The following GUCY1A2 variants were observed in gnomAD, a reference collection of about 807,000 sequenced individuals.
GUCY1A2 encodes guanylate cyclase 1 soluble subunit alpha 2.
GUCY1A2 carries 27 observed loss-of-function variants against 63.5 expected under a neutral mutation model. That is an observed-to-expected ratio of 0.43 (90% CI 0.31 to 0.59). GUCY1A2 has a LOEUF of 0.59. Ranked by LOEUF, GUCY1A2 falls within the 20% of genes least tolerant of loss-of-function variation. The probability of loss-of-function intolerance (pLI) is 0.11; values close to 1 mark genes in which losing one functional copy is unlikely to be tolerated. For missense variants in GUCY1A2, 768 were observed against 913.3 expected, an observed-to-expected ratio of 0.84 and a Z score of 2.05; for synonymous variants, 364 against 343.5, an observed-to-expected ratio of 1.06 and a Z score of -0.66.
intron 3 of GUCY1A2, among the ~76,000 whole-genome samples, chr11:106,942,841 T>C (rs1419900946): frequency 1.3e-5 from 2 of 152,304 alleles, no homozygotes; most frequent in East Asian, 3.9e-4. Flanking sequence ...CTAGAAAGCC[T>C]GCTGCTTTAT....
At chr11:106,888,085 A>C (rs1054919717) in intron 4 of GUCY1A2, among the ~76,000 whole-genome samples, 1 of 152,082 alleles carries the variant, frequency 6.6e-6, no homozygotes, top group African/African-American at 2.4e-5. Flanking sequence ...GGAATGAACA[A>C]TCACCTGTGC....
intron 5 of GUCY1A2, among the ~76,000 whole-genome samples, chr11:106,786,388 A>T (rs897654284): frequency 6.6e-6 from 1 of 152,212 alleles, no homozygotes; most frequent in Admixed American, 6.5e-5. Context: ...AAAGGAGGTC[A>T]TGGATATAAA....
intron 3 of GUCY1A2, among the ~76,000 whole-genome samples, chr11:106,957,756 CT>C (rs945160203): frequency 1.2e-4 from 17 of 146,782 alleles, no homozygotes; most frequent in Admixed American, 1.4e-4. Context: ...AAAATGGTCA[CT>C]TTTTTTTTTA....
chr11:106,788,699 AT>A (rs1256827888), intron 5 of GUCY1A2, among the ~76,000 whole-genome samples: 1 of 152,194 alleles, frequency 6.6e-6, no homozygotes, highest in Non-Finnish European at 1.5e-5. Context: ...CTTTGTCAAA[AT>A]TGAGTTAACT....
chr11:106,917,706 C>T (rs1423016840), intron 4 of GUCY1A2, among the ~76,000 whole-genome samples: 1 of 136,600 alleles, frequency 7.3e-6, no homozygotes, highest in Non-Finnish European at 1.6e-5. Flanking sequence ...AAAAACCAAA[C>T]ACCGCATGTT....
At chr11:106,990,879 A>G (rs916061388) in intron 1 of GUCY1A2, among the ~76,000 whole-genome samples, 1 of 152,242 alleles carries the variant, frequency 6.6e-6, no homozygotes, top group Non-Finnish European at 1.5e-5. Flanking sequence ...AGCCACACAC[A>G]TAATTTAAAA....
chr11:106,732,045 C>A (rs1028202507), intron 6 of GUCY1A2, among the ~76,000 whole-genome samples: 1 of 152,134 alleles, frequency 6.6e-6, no homozygotes, highest in Non-Finnish European at 1.5e-5. Context: ...TTACAAAAAA[C>A]TATTTTAAAA....
chr11:106,981,090 ATTTG>A lies in GUCY1A2; in HGVS notation c.366-2354_366-2351del, dbSNP rs1272521408. On this transcript the variant is annotated intron_variant, in intron 2 of 7. Transcript: ENST00000526355. ...ATCAAGAGATATTAGCTTTTGTCTA[ATTTG>A]TTTATGTTCAAAAAGATACAGTTTT... Among the ~76,000 whole-genome samples, 9 of 152,314 alleles carry A rather than the reference ATTTG, an allele frequency of 5.9e-5. No individual in the cohort carries two copies. In the South Asian group the frequency reaches 8.3e-4, roughly 14 times the overall value.
chr11:106,869,608 C>A (rs544860345), intron 4 of GUCY1A2, among the ~76,000 whole-genome samples: 1 of 152,032 alleles, frequency 6.6e-6, no homozygotes, highest in East Asian at 1.9e-4. Flanking sequence ...TCAGGAGCAA[C>A]AGGTGCTGGA....
chr11:106,850,990 T>C (rs1859345950), intron 4 of GUCY1A2, among the ~76,000 whole-genome samples: 1 of 151,810 alleles, frequency 6.6e-6, no homozygotes, highest in African/African-American at 2.4e-5. Flanking sequence ...TCTCTGCATC[T>C]TTGCCAGCAT....
chr11:106,746,192 G>GA (rs561817496), intron 6 of GUCY1A2, among the ~76,000 whole-genome samples: 40 of 146,428 alleles, frequency 2.7e-4, no homozygotes, highest in Middle Eastern at 3.4e-3. Context: ...ATAGTGGAGG[G>GA]AAAAAAAAAA....
At chr11:106,950,310 T>C (rs779698387) in intron 3 of GUCY1A2, among the ~76,000 whole-genome samples, 2 of 152,194 alleles carry the variant, frequency 1.3e-5, no homozygotes, top group African/African-American at 4.8e-5. Flanking sequence ...CCCTGGCATA[T>C]TGCCAGAGAA....
intron 6 of GUCY1A2, among the ~76,000 whole-genome samples, chr11:106,745,747 C>A (rs533827820): frequency 6.6e-6 from 1 of 152,318 alleles, no homozygotes; most frequent in South Asian, 2.1e-4. Context: ...CCCTCATGGT[C>A]TCTATGATGT....
chr11:106,694,219 T>C (rs1371663542), intron 7 of GUCY1A2, among the ~76,000 whole-genome samples: 3 of 152,200 alleles, frequency 2.0e-5, no homozygotes, highest in African/African-American at 7.2e-5. Context: ...CCTGGGAATC[T>C]CACTGTTATG....
chr11:106,873,219 G>A (rs915848423), intron 4 of GUCY1A2, among the ~76,000 whole-genome samples: 1 of 152,114 alleles, frequency 6.6e-6, no homozygotes, highest in Non-Finnish European at 1.5e-5. Flanking sequence ...AAATAGTGCT[G>A]CAATAAACAT....
intron 4 of GUCY1A2, among the ~76,000 whole-genome samples, chr11:106,933,172 A>G (rs1309948202): frequency 1.3e-5 from 2 of 152,148 alleles, no homozygotes; most frequent in African/African-American, 4.8e-5. Context: ...AGAGTAAACA[A>G]CCTAAAAAAT....
chr11:106,899,822 C>G (rs568964925), intron 4 of GUCY1A2, among the ~76,000 whole-genome samples: 9 of 152,214 alleles, frequency 5.9e-5, no homozygotes, highest in African/African-American at 2.2e-4. Flanking sequence ...CGGTGGCTCA[C>G]GCCTGTAATC....
In GUCY1A2 at chr11:106,939,445, G is replaced by A; in HGVS notation, c.1206+15C>T. On this transcript the variant is annotated intron_variant, in intron 4 of 7. Transcript: ENST00000526355. ...CTTCTAGTTCCCATCACCATCTCAA[G>A]TCCATAGCACTTACCTTGTCTTTAT... 2 of 1,319,388 alleles carry A rather than the reference G, an allele frequency of 1.5e-6. No homozygotes were observed. Among genetic ancestry groups the A allele is most frequent in the South Asian group, 2.5e-5 (2 of 81,254 alleles). 81.7% of individuals were successfully genotyped at this position (1,319,388 alleles called of 1,614,324 possible). A position where few individuals can be genotyped will look rare whatever the true frequency, so the allele number is the denominator to read the frequency against.
chr11:106,821,249 T>C (rs1048954520), intron 4 of GUCY1A2, among the ~76,000 whole-genome samples: 2 of 152,218 alleles, frequency 1.3e-5, no homozygotes, highest in Non-Finnish European at 2.9e-5. Context: ...GAGTCTTTAT[T>C]CAATTTTACT....
Sources: gnomAD v4.1 joint callset for allele counts (sites outside exome capture counted in the v4.1 genomes callset) on GRCh38, gnomAD v4.1.1 for gene constraint, MANE v1.5 for transcripts, NCBI Gene and HGNC (gene_info 2026-07-23, HGNC 2026-07-21) for gene names.